Variants in IMPACT observed in about 807,000 individuals in gnomAD.
The protein encoded by IMPACT is impact RWD domain protein, also known as protein IMPACT.
A neutral mutation model predicts 47.5 loss-of-function variants in IMPACT; 35 were observed. The observed-to-expected ratio is 0.74, with a 90% confidence interval of 0.56 to 0.98. The LOEUF (loss-of-function observed/expected upper bound fraction) is 0.98. IMPACT is among the 50% of genes least tolerant of loss of function. The pLI, the probability that IMPACT is intolerant of heterozygous loss-of-function variation, is 0.00. For missense variants in IMPACT, 373 were observed against 394.8 expected (o/e 0.94, Z 0.47); for synonymous variants, 118 against 125.6 (o/e 0.94, Z 0.40).
intron 5 of IMPACT, among the ~76,000 whole-genome samples, chr18:24,438,294 C>G (rs551493533): frequency 5.3e-4 from 80 of 152,292 alleles, no homozygotes; most frequent in African/African-American, 1.9e-3. Flanking sequence ...GTTTCAGTTA[C>G]CTGTGGTCAC....
At chr18:24,450,067 T>C in intron 10 of IMPACT, 114 bp downstream of exon 10, 2 of 1,144,202 alleles carry the variant, frequency 1.7e-6, no homozygotes, top group Non-Finnish European at 1.3e-6. Flanking sequence ...TGGTAAAACC[T>C]TTGGACTCAG....
rs761586749 is a variant in IMPACT, at chr18:24,451,442, C to T, written c.*595C>T. On this transcript the variant is annotated 3_prime_UTR_variant, in exon 11 of 11. Coordinates refer to ENST00000284202, the MANE Select transcript of IMPACT (RefSeq NM_018439.4). ...TGTGCTGAGGTGATAATTCATCCAA[C>T]ATATTTGTTAGCATAAATATTATGC... 2 of 152,184 alleles carry T rather than the reference C, an allele frequency of 1.3e-5. No individual in the cohort carries two copies. The highest frequency in any genetic ancestry group is 2.9e-5 in the Non-Finnish European group (2 of 68,032). 9.4% of individuals were successfully genotyped at this position (152,184 alleles called of 1,614,324 possible).
chr18:24,445,493 T>C lies in IMPACT; in HGVS notation c.668+27T>C, dbSNP rs45492992. ...TGAGTAATCATCACAAGCTTTAGTA[T>C]ACTCAGTTTGTTAAAAATAGAGGGA... is the stretch of plus-strand genomic sequence containing the variant. On this transcript the variant is annotated intron_variant, in intron 8 of 10. Transcript: ENST00000284202. The C allele has an allele frequency of 5.2e-3, 7,168 of 1,368,292 alleles. 315 individuals are homozygous for C. The African/African-American group carries it at 0.092, about 18-fold the overall frequency. The allele number at this position is 1,368,292 out of a possible 1,614,324, so 84.8% of individuals were successfully genotyped here. A position where few individuals can be genotyped will look rare whatever the true frequency, so the allele number is the denominator to read the frequency against.
intron 4 of IMPACT, among the ~76,000 whole-genome samples, chr18:24,435,953 A>T (rs2053754752): frequency 6.6e-6 from 1 of 151,508 alleles, no homozygotes; most frequent in Admixed American, 6.6e-5. Context: ...TGTAAAACCA[A>T]TTAAAGTTTT....
At position 24,451,592 on chromosome 18, in the gene IMPACT, A is replaced by T. The variant is rs1002319066; in HGVS notation, c.*745A>T. ...AGTGTCAGTAGTCTCCTTCCACCCC[A>T]GAAATGTGTTGGTGTAACATTCTCG... On this transcript the variant is annotated 3_prime_UTR_variant, in exon 11 of 11. Coordinates refer to ENST00000284202, the MANE Select transcript of IMPACT (RefSeq NM_018439.4). 2 of 152,212 alleles carry T rather than the reference A, an allele frequency of 1.3e-5. No homozygotes were observed. Among genetic ancestry groups the T allele is most frequent in the African/African-American group, 2.4e-5 (1 of 41,456 alleles). 9.4% of individuals were successfully genotyped at this position (152,212 alleles called of 1,614,324 possible). A position where few individuals can be genotyped will look rare whatever the true frequency, so the allele number is the denominator to read the frequency against.
rs117923282 is a variant in IMPACT at position 24,441,607 on chromosome 18, C to T, written c.490+989C>T. Among the ~76,000 whole-genome samples, 93 of 152,204 alleles carry T rather than the reference C, an allele frequency of 6.1e-4. No homozygotes were observed. In the East Asian group the frequency reaches 0.017, roughly 28 times the overall value. ...AATGTTATTGTTAGTTTCCCTAAGCCTCTTAGGAAAACATGGTAGACCAGG... is the reference window on the plus strand; with the variant it reads ...AATGTTATTGTTAGTTTCCCTAAGCTTCTTAGGAAAACATGGTAGACCAGG... On this transcript the variant is annotated intron_variant, in intron 6 of 10. Transcript: ENST00000284202.
intron 6 of IMPACT, among the ~76,000 whole-genome samples, chr18:24,441,617 A>G (rs745769358): frequency 4.6e-5 from 7 of 152,220 alleles, no homozygotes; most frequent in Non-Finnish European, 1.0e-4. Flanking sequence ...CTCTTAGGAA[A>G]ACATGGTAGA....
chr18:24,433,795 T>G (rs981834661), intron 4 of IMPACT, among the ~76,000 whole-genome samples: 1 of 151,200 alleles, frequency 6.6e-6, no homozygotes, highest in South Asian at 2.1e-4. Flanking sequence ...CTCAGCCTCC[T>G]GAGTAGCTGG....
At chr18:24,438,360 T>C (rs527270835) in intron 5 of IMPACT, among the ~76,000 whole-genome samples, 2 of 152,360 alleles carry the variant, frequency 1.3e-5, no homozygotes, top group African/African-American at 2.4e-5. Context: ...AAGTTTTAAA[T>C]TGTGTGCCAT....
Position 24,452,367 on chromosome 18 carries a change from A to G in IMPACT, c.*1520A>G, listed in dbSNP as rs1447413287. 6.6e-6 allele frequency: 1 copy of G among 152,170 alleles called. No homozygotes were observed. Among genetic ancestry groups the G allele is most frequent in the Non-Finnish European group, 1.5e-5 (1 of 68,026 alleles). 9.4% of individuals were successfully genotyped at this position (152,170 alleles called of 1,614,324 possible). A position where few individuals can be genotyped will look rare whatever the true frequency, so the allele number is the denominator to read the frequency against. Reference sequence around the variant, plus strand: ...GTTTGGAACACTTGGTTCCATGAAAAGTATGCTTTGTGTTTTAACTGTTAA... The same window carrying G: ...GTTTGGAACACTTGGTTCCATGAAAGGTATGCTTTGTGTTTTAACTGTTAA... On this transcript the variant is annotated 3_prime_UTR_variant, in exon 11 of 11. Coordinates refer to ENST00000284202, the MANE Select transcript of IMPACT (RefSeq NM_018439.4).
In IMPACT at chr18:24,441,234, G is replaced by T. The variant is rs148126740; in HGVS notation, c.490+616G>T. ...TTTTGAGATAGAGTCTTGCTCTGTT[G>T]CCCGGGCTGGAGTGCAGTGGCACGA... On this transcript the variant is annotated intron_variant, in intron 6 of 10. Transcript: ENST00000284202. 7.2e-5 allele frequency among the ~76,000 whole-genome samples: 11 copies of T among 152,178 alleles called. 2 individuals are homozygous for T. The East Asian group carries it at 1.9e-3, about 27-fold the overall frequency.
intron 7 of IMPACT, among the ~76,000 whole-genome samples, chr18:24,443,530 T>G (rs1163719340): frequency 6.6e-6 from 1 of 152,202 alleles, no homozygotes; most frequent in Non-Finnish European, 1.5e-5. Context: ...AACCCTCTAA[T>G]GAATCTTTAA....
At position 24,433,184 on chromosome 18, in the gene IMPACT, C is replaced by CTTTTTT. The variant is rs35543338; in HGVS notation, c.281+2821_281+2826dup. Among the ~76,000 whole-genome samples the CTTTTTT allele has an allele frequency of 6.4e-4, 52 of 81,112 alleles. 2 individuals are homozygous for CTTTTTT. Among genetic ancestry groups the CTTTTTT allele is most frequent in the African/African-American group, 1.7e-3 (33 of 19,328 alleles). The allele number at this position is 81,112 out of a possible 152,430, so 53.2% of individuals were successfully genotyped here. A position where few individuals can be genotyped will look rare whatever the true frequency, so the allele number is the denominator to read the frequency against. On this transcript the variant is annotated intron_variant, in intron 4 of 10. Coordinates refer to ENST00000284202, the MANE Select transcript of IMPACT (RefSeq NM_018439.4). The stretch of plus-strand genomic sequence containing the variant: ...AGAAATACACATCTTACTTTTAAAA[C>CTTTTTT]TTTTTTTTTTTTTTTTTTTTTTTTT...
chr18:24,449,249 C>T (rs1331225729), intron 9 of IMPACT, among the ~76,000 whole-genome samples: 2 of 152,138 alleles, frequency 1.3e-5, no homozygotes, highest in African/African-American at 4.8e-5. Flanking sequence ...CCTGTAGGTC[C>T]CAGCTACTTG....
At chr18:24,441,323 T>G (rs600294) in intron 6 of IMPACT, among the ~76,000 whole-genome samples, 142,042 of 152,282 alleles carry the variant, frequency 0.93, 66,504 homozygotes, top group African/African-American at 0.98. Context: ...CTCCTACGTA[T>G]CTGGGATTAC....
chr18:24,438,457 T>C (rs1327442590), intron 5 of IMPACT, among the ~76,000 whole-genome samples: 1 of 152,250 alleles, frequency 6.6e-6, no homozygotes, highest in African/African-American at 2.4e-5. Flanking sequence ...GTTGTTTCTC[T>C]TTACTCTCCT....
intron 5 of IMPACT, among the ~76,000 whole-genome samples, chr18:24,439,287 T>C (rs1340607599): frequency 6.6e-6 from 1 of 152,144 alleles, no homozygotes; most frequent in African/African-American, 2.4e-5. Context: ...TCCCAGCACT[T>C]TGGGAGGCCG....
Position 24,452,688 on chromosome 18 carries a change from T to C in IMPACT, c.*1841T>C, listed in dbSNP as rs1909416625. ...GGAAACTTGAACTAATGATAGATAG[T>C]ATTTTTTTCCTCTATTTAAAATTTT... On this transcript the variant is annotated 3_prime_UTR_variant, in exon 11 of 11. Transcript: ENST00000284202. 1 of 152,206 alleles carries C rather than the reference T, an allele frequency of 6.6e-6. No individual in the cohort carries two copies. Among genetic ancestry groups the C allele is most frequent in the African/African-American group, 2.4e-5 (1 of 41,454 alleles). 9.4% of individuals were successfully genotyped at this position (152,206 alleles called of 1,614,324 possible). A position where few individuals can be genotyped will look rare whatever the true frequency, so the allele number is the denominator to read the frequency against.
rs1299080376 is a variant in IMPACT at position 24,428,055 on chromosome 18, T to C, written c.165+8T>C. ...TGGACACTTTGCTTGCAGGTACTTT[T>C]TCCCCCTTCCTTGCAGCCATCTTTC... On this transcript the variant is annotated splice_region_variant and intron_variant, in intron 2 of 10. Transcript: ENST00000284202. 10 of 1,567,114 alleles carry C rather than the reference T, an allele frequency of 6.4e-6. No homozygotes were observed. Among genetic ancestry groups the C allele is most frequent in the Non-Finnish European group, 8.6e-6 (10 of 1,163,718 alleles).
Sources: gnomAD v4.1 joint callset for allele counts (sites outside exome capture counted in the v4.1 genomes callset) on GRCh38, gnomAD v4.1.1 for gene constraint, MANE v1.5 for transcripts, NCBI Gene and HGNC (gene_info 2026-07-23, HGNC 2026-07-21) for gene names.